The following MGAT4C variants were observed in gnomAD, a reference collection of about 807,000 sequenced individuals.
MGAT4C encodes the protein MGAT4 family member C, also known as alpha-1,3-mannosyl-glycoprotein 4-beta-N-acetylglucosaminyltransferase C.
MGAT4C carries 19 observed loss-of-function variants against 40.1 expected under a neutral mutation model. The ratio of observed to expected loss-of-function variants is 0.47; its 90% CI spans 0.33 to 0.70. MGAT4C has a LOEUF of 0.70. Ranked by LOEUF, MGAT4C falls within the 30% of genes least tolerant of loss-of-function variation. The probability of loss-of-function intolerance (pLI) is 0.02; values close to 1 mark genes in which losing one functional copy is unlikely to be tolerated. For missense variants in MGAT4C, 491 were observed against 563.2 expected, an observed-to-expected ratio of 0.87 and a Z score of 1.30; for synonymous variants, 181 against 187.1, an observed-to-expected ratio of 0.97 and a Z score of 0.27.
intron 2 of MGAT4C, among the ~76,000 whole-genome samples, chr12:86,486,497 G>T (rs1958022184): frequency 6.6e-6 from 1 of 151,700 alleles, no homozygotes; most frequent in South Asian, 2.1e-4. Flanking sequence ...AAAAAAAAGG[G>T]ATAAAGGTTC....
intron 1 of MGAT4C, among the ~76,000 whole-genome samples, chr12:86,220,885 T>C (rs1950852931): frequency 6.6e-6 from 1 of 152,174 alleles, no homozygotes; most frequent in Non-Finnish European, 1.5e-5. Context: ...CTTAGCATAA[T>C]GTAAATGAAG....
chr12:86,420,281 C>T (rs1331443881), intron 3 of MGAT4C, among the ~76,000 whole-genome samples: 2 of 151,776 alleles, frequency 1.3e-5, no homozygotes, highest in African/African-American at 4.8e-5. Context: ...ACTCTCGAGG[C>T]GGGAGTGGGA....
chr12:86,122,805 T>C (rs568643203), intron 1 of MGAT4C, among the ~76,000 whole-genome samples: 6 of 152,154 alleles, frequency 3.9e-5, no homozygotes, highest in Admixed American at 3.9e-4. Flanking sequence ...TGTGTATATA[T>C]ATAAGTATGC....
At chr12:86,052,667 C>A (rs989816667) in intron 1 of MGAT4C, among the ~76,000 whole-genome samples, 1 of 151,888 alleles carries the variant, frequency 6.6e-6, no homozygotes, top group African/African-American at 2.4e-5. Flanking sequence ...GAAAGATAAT[C>A]TTTCCCTCAA....
chr12:86,793,213 T>C (rs1205674971), intron 1 of MGAT4C, among the ~76,000 whole-genome samples: 1 of 152,152 alleles, frequency 6.6e-6, no homozygotes, highest in Non-Finnish European at 1.5e-5. Context: ...ATTTTTTTAG[T>C]TTATTCTTGC....
At chr12:86,138,591 C>CCATAGATATATTTCCATAGATATAT (rs1882364580) in intron 1 of MGAT4C, among the ~76,000 whole-genome samples, 1 of 142,472 alleles carries the variant, frequency 7.0e-6, no homozygotes, top group Non-Finnish European at 1.5e-5. Flanking sequence ...ATATATATTT[C>CCATAGATATATTTCCATAGATATAT]CATATATATA....
intron 3 of MGAT4C, among the ~76,000 whole-genome samples, chr12:85,987,222 C>T (rs10863133): frequency 0.24 from 33,907 of 142,836 alleles, 4,688 homozygotes; most frequent in Non-Finnish European, 0.32. Context: ...CTGCAAGCTC[C>T]GCCTCCCGGG....
chr12:86,259,672 T>G (rs1390710825), upstream of MGAT4C, among the ~76,000 whole-genome samples: 3 of 123,166 alleles, frequency 2.4e-5, no homozygotes, highest in East Asian at 7.6e-4. Context: ...CTAGCATTTG[T>G]GAGTTCAGAG....
intron 4 of MGAT4C, among the ~76,000 whole-genome samples, chr12:86,274,331 C>T (rs1261040455): frequency 2.6e-5 from 4 of 152,246 alleles, no homozygotes; most frequent in Non-Finnish European, 4.4e-5. Flanking sequence ...ATCGATATCA[C>T]ACTCAAAGAC....
intron 3 of MGAT4C, among the ~76,000 whole-genome samples, chr12:86,384,569 C>A (rs1252440629): frequency 6.6e-6 from 1 of 152,180 alleles, no homozygotes; most frequent in Non-Finnish European, 1.5e-5. Flanking sequence ...GTATTTGATA[C>A]AGCAAGAAAA....
At position 86,011,214 on chromosome 12, in the gene MGAT4C, A is replaced by G. The variant is rs369555491; in HGVS notation, c.-6-21662T>C. ...GGGCCTTTAATTTTCACAGCCCAAT[A>G]TAGATCAAGAGGCCAAAAATTGCCA... On this transcript the variant is annotated intron_variant, in intron 2 of 4. Transcript: ENST00000611864. Among the ~76,000 whole-genome samples the G allele has an allele frequency of 4.2e-4, 64 of 152,322 alleles. No homozygotes were observed. In the South Asian group the frequency reaches 0.012, roughly 29 times the overall value.
intron 1 of MGAT4C, among the ~76,000 whole-genome samples, chr12:86,087,059 A>T (rs1871988048): frequency 6.6e-6 from 1 of 151,976 alleles, no homozygotes; most frequent in African/African-American, 2.4e-5. Flanking sequence ...CATTTTCTTT[A>T]TCCATTGAAC....
chr12:86,214,172 T>C (rs950259023), intron 1 of MGAT4C, among the ~76,000 whole-genome samples: 3 of 152,204 alleles, frequency 2.0e-5, no homozygotes, highest in Admixed American at 6.5e-5. Context: ...TGTGTTTCTG[T>C]ACTTCTCCAG....
chr12:86,542,494 A>C (rs1390208797), intron 2 of MGAT4C, among the ~76,000 whole-genome samples: 2 of 152,218 alleles, frequency 1.3e-5, no homozygotes, highest in African/African-American at 4.8e-5. Flanking sequence ...CTTAGCTCTC[A>C]ACCATTATGT....
At chr12:86,631,937 G>A (rs943577210) in intron 2 of MGAT4C, among the ~76,000 whole-genome samples, 10 of 152,078 alleles carry the variant, frequency 6.6e-5, no homozygotes, top group Admixed American at 5.2e-4. Context: ...CTTCTGCACA[G>A]CAACAGAATC....
intron 3 of MGAT4C, among the ~76,000 whole-genome samples, chr12:86,353,762 T>C (rs1415398050): frequency 2.0e-5 from 3 of 152,194 alleles, no homozygotes; most frequent in African/African-American, 7.2e-5. Flanking sequence ...GCTTTTGTTA[T>C]CTAAAGTGAG....
intron 2 of MGAT4C, among the ~76,000 whole-genome samples, chr12:86,523,133 A>G (rs1958824136): frequency 6.6e-6 from 1 of 151,334 alleles, no homozygotes; most frequent in South Asian, 2.1e-4. Flanking sequence ...ATTGTCTTCT[A>G]GTTTTGTGTG....
intron 2 of MGAT4C, among the ~76,000 whole-genome samples, chr12:86,604,549 C>T (rs1481357488): frequency 6.6e-6 from 1 of 152,050 alleles, no homozygotes; most frequent in African/African-American, 2.4e-5. Context: ...TAAAGTTATT[C>T]CCCTCTATCC....
At chr12:86,335,059 G>T (rs901898963) in intron 3 of MGAT4C, among the ~76,000 whole-genome samples, 8 of 151,836 alleles carry the variant, frequency 5.3e-5, no homozygotes, top group African/African-American at 1.9e-4. Flanking sequence ...AGTCATAATA[G>T]TTTTTCCATT....
Sources: allele counts gnomAD v4.1 joint callset (sites outside exome capture counted in the v4.1 genomes callset), GRCh38; gene constraint gnomAD v4.1.1; transcripts MANE v1.5; gene names NCBI Gene and HGNC (gene_info 2026-07-23, HGNC 2026-07-21).